Variants in JAK2 observed in about 807,000 individuals in gnomAD.
The protein encoded by JAK2 is Janus kinase 2.
Under a neutral mutation model 139.3 loss-of-function variants are expected in JAK2, and 86 were observed. The observed-to-expected ratio is 0.62, with a 90% CI of 0.52 to 0.74. The LOEUF is 0.74. Ranked by LOEUF, JAK2 falls within the 30% of genes least tolerant of loss-of-function variation. The pLI is 0.00. For missense variants in JAK2, 1,421 were observed against 1,360.3 expected, an observed-to-expected ratio of 1.04 and a Z score of -0.70; for synonymous variants, 490 against 437.7, an observed-to-expected ratio of 1.12 and a Z score of -1.49.
intron 2 of JAK2, among the ~76,000 whole-genome samples, chr9:5,003,659 A>G (rs1397952583): frequency 6.6e-6 from 1 of 151,990 alleles, no homozygotes; most frequent in African/African-American, 2.4e-5. Flanking sequence ...AATACTGACA[A>G]TTTTACTTAT....
chr9:5,044,272 T>C (rs1004335287), intron 4 of JAK2, 131 bp from the exon 5 acceptor site: 6 of 634,090 alleles, frequency 9.5e-6, no homozygotes, highest in Non-Finnish European at 1.7e-5. Flanking sequence ...CACATTTATA[T>C]TTAATACTGT....
intron 3 of JAK2, among the ~76,000 whole-genome samples, chr9:5,025,577 A>T (rs562071087): frequency 1.2e-4 from 17 of 142,636 alleles, no homozygotes; most frequent in Non-Finnish European, 1.8e-4. Context: ...TCTGTTGCCC[A>T]GGCTGGAGTG....
intron 22 of JAK2, chr9:5,111,901 G>T: frequency 2.8e-6 from 1 of 354,716 alleles, no homozygotes. Context: ...GGACGCCCTC[G>T]GGAAGGCCTG....
intron 22 of JAK2, chr9:5,110,268 A>G (rs1002032890): frequency 6.6e-6 from 1 of 152,206 alleles, no homozygotes; most frequent in African/African-American, 2.4e-5. Context: ...TTTAATAGAA[A>G]ATAACCTCTG....
chr9:5,108,027 C>G (rs2130781988), intron 22 of JAK2: 1 of 152,174 alleles, frequency 6.6e-6, no homozygotes, highest in African/African-American at 2.4e-5. Context: ...TACTTATCAG[C>G]CTCATCACCC....
intron 4 of JAK2, among the ~76,000 whole-genome samples, chr9:5,035,526 T>C (rs970291366): frequency 1.3e-5 from 2 of 152,192 alleles, no homozygotes; most frequent in African/African-American, 4.8e-5. Context: ...ATCAAAAAGC[T>C]TATCCACCAT....
At chr9:5,085,859 G>A (rs62543876) in intron 19 of JAK2, 4 of 773,856 alleles carry the variant, frequency 5.2e-6, no homozygotes, top group Non-Finnish European at 9.6e-6. Flanking sequence ...AGTACTCAGA[G>A]ATTTCCTTAA....
At chr9:5,040,208 T>C (rs1434647846) in intron 4 of JAK2, among the ~76,000 whole-genome samples, 3 of 152,094 alleles carry the variant, frequency 2.0e-5, no homozygotes, top group African/African-American at 4.8e-5. Context: ...GGGCATAGAA[T>C]AGTCTTTTAA....
chr9:5,096,334 C>T (rs1347958741), intron 22 of JAK2, among the ~76,000 whole-genome samples: 1 of 152,174 alleles, frequency 6.6e-6, no homozygotes, highest in Middle Eastern at 3.2e-3. Context: ...ATTTCTGTAA[C>T]AAACCCAAGG....
At chr9:5,066,930 A>G (rs1433557368) in intron 10 of JAK2, 141 bp downstream of exon 10, 1 of 384,880 alleles carries the variant, frequency 2.6e-6, no homozygotes, top group Non-Finnish European at 4.6e-6. Flanking sequence ...TAATTTCCTC[A>G]GAGATTCTGT....
At chr9:5,115,805 G>T (rs572373060) in intron 22 of JAK2, among the ~76,000 whole-genome samples, 2 of 152,226 alleles carry the variant, frequency 1.3e-5, no homozygotes, top group East Asian at 3.9e-4. Flanking sequence ...GCAAACACAG[G>T]AACAGAAAAC....
intron 19 of JAK2, chr9:5,086,098 G>C (rs553288923): frequency 5.4e-6 from 3 of 555,728 alleles, no homozygotes; most frequent in Admixed American, 4.6e-5. Flanking sequence ...TTCTGCCTAT[G>C]AGCCTGCGCG....
At chr9:5,123,775 A>G (rs1823789224) in intron 23 of JAK2, among the ~76,000 whole-genome samples, 1 of 152,048 alleles carries the variant, frequency 6.6e-6, no homozygotes, top group Non-Finnish European at 1.5e-5. Flanking sequence ...CCAACAGTGT[A>G]TAAGAGTTCC....
At chr9:5,125,523 G>C (rs914274633) in intron 23 of JAK2, among the ~76,000 whole-genome samples, 3 of 151,078 alleles carry the variant, frequency 2.0e-5, no homozygotes, top group African/African-American at 7.3e-5. Flanking sequence ...AATTATCTTA[G>C]AATAAAAGTA....
At chr9:5,104,244 C>T (rs557747813) in intron 22 of JAK2, among the ~76,000 whole-genome samples, 3 of 152,238 alleles carry the variant, frequency 2.0e-5, no homozygotes, top group African/African-American at 4.8e-5. Flanking sequence ...CACCACCGAT[C>T]CCACAGAAAT....
In JAK2 at chr9:5,066,746, G is replaced by A. The variant is rs2130505879; in HGVS notation, c.1283G>A (p.Ser428Asn). The stretch of plus-strand genomic sequence containing the variant: ...ACTGGACTGTATGTACTTCGATGCA[G>A]TCCTAAGGACTTTAATAAATATTTT... Reference protein sequence around the residue: ...NQTGLYVLRCSPKDFNKYFLT... With the variant: ...NQTGLYVLRCNPKDFNKYFLT... Residue 428 changes from serine (S) to asparagine (N), a missense_variant, in exon 10 of 25, where the codon AGT becomes AAT. Ser to Asn is a conservative substitution (Grantham distance 46, BLOSUM62 1). Transcript: ENST00000381652. The A allele has an allele frequency of 6.3e-7, 1 of 1,589,206 alleles. No homozygotes were observed. The highest frequency in any genetic ancestry group is 8.5e-7 in the Non-Finnish European group (1 of 1,169,598).
At chr9:5,017,960 TC>T (rs1822182236) in intron 2 of JAK2, among the ~76,000 whole-genome samples, 1 of 152,214 alleles carries the variant, frequency 6.6e-6, no homozygotes, top group Non-Finnish European at 1.5e-5. Flanking sequence ...TCTTTTTCTA[TC>T]CCTTTACTTT....
At chr9:5,114,314 T>C (rs1037450821) in intron 22 of JAK2, 2 of 542,534 alleles carry the variant, frequency 3.7e-6, no homozygotes, top group South Asian at 1.6e-5. Flanking sequence ...CCCAGGCCAG[T>C]GGGAAGTCTG....
In JAK2 at chr9:5,099,325, A is replaced by G. The variant is rs535970009; in HGVS notation, c.3059+8414A>G. ...ATTTCAAAACCTGATCCACATCTAC[A>G]CTAAAATATCACTGTAAAGCTATTC... On this transcript the variant is annotated intron_variant, in intron 22 of 24. Coordinates refer to ENST00000381652, the MANE Select transcript of JAK2 (RefSeq NM_004972.4). 24 of 152,312 alleles carry G rather than the reference A, an allele frequency of 1.6e-4. 2 individuals carry two copies. The highest frequency in any genetic ancestry group is 5.5e-4 in the African/African-American group (23 of 41,564). 9.4% of individuals were successfully genotyped at this position (152,312 alleles called of 1,614,324 possible).
Sources: allele counts gnomAD v4.1 joint callset (sites outside exome capture counted in the v4.1 genomes callset), GRCh38; gene constraint gnomAD v4.1.1; transcripts MANE v1.5; gene names NCBI Gene and HGNC (gene_info 2026-07-23, HGNC 2026-07-21).